PTPRU: variants seen among roughly 807,000 people sequenced by gnomAD.
The protein encoded by PTPRU is protein tyrosine phosphatase receptor type U.
Under a neutral mutation model 166.3 loss-of-function variants are expected in PTPRU, and 69 were observed. That is an observed-to-expected ratio of 0.41 (90% CI 0.34 to 0.51). PTPRU has a LOEUF of 0.51. Ranked by LOEUF, PTPRU falls within the 20% of genes least tolerant of loss-of-function variation. The pLI is 0.09. For synonymous variants in PTPRU, 793 were observed against 814.0 expected, an observed-to-expected ratio of 0.97 and a Z score of 0.44; for missense variants, 1,657 against 2,013.7, an observed-to-expected ratio of 0.82 and a Z score of 3.39.
At position 29,325,859 on chromosome 1, in the gene PTPRU, A is replaced by G. The variant is rs1688391207; in HGVS notation, c.*198A>G. The G allele has an allele frequency of 3.3e-6, 2 of 608,202 alleles. No homozygotes were observed. The highest frequency in any genetic ancestry group is 5.5e-6 in the Non-Finnish European group (2 of 364,404). 37.7% of individuals were successfully genotyped at this position (608,202 alleles called of 1,614,324 possible). ...TTGTCCCATGGGCGGGTGGTGGGCCAAGGAGGAGCTTAGCAAGTCTGCAGC... is the reference window on the plus strand; with the variant it reads ...TTGTCCCATGGGCGGGTGGTGGGCCGAGGAGGAGCTTAGCAAGTCTGCAGC... On this transcript the variant is annotated 3_prime_UTR_variant, in exon 30 of 30. Transcript: ENST00000373779.
At chr1:29,241,592 C>A (rs1024321226) in intron 1 of PTPRU, among the ~76,000 whole-genome samples, 1 of 147,794 alleles carries the variant, frequency 6.8e-6, no homozygotes, top group Non-Finnish European at 1.5e-5. Context: ...TCTTCTTCTT[C>A]TTCTTCTTCT....
chr1:29,272,626 G>T (rs1455568938), intron 7 of PTPRU, among the ~76,000 whole-genome samples: 2 of 152,124 alleles, frequency 1.3e-5, no homozygotes, highest in African/African-American at 4.8e-5. Context: ...GCCACTAGGG[G>T]CTGGGTGCGG....
chr1:29,282,648 TC>T, intron 11 of PTPRU, 27 bp from the exon 12 acceptor site: 1 of 1,596,576 alleles, frequency 6.3e-7, no homozygotes, highest in Middle Eastern at 2.2e-4. Flanking sequence ...CCGCCTGTGA[TC>T]CCCTGTACGC....
At position 29,275,780 on chromosome 1, in the gene PTPRU, C is replaced by T. The variant is rs376869178; in HGVS notation, c.1453+24C>T. ...TGGTAAGAGTCTCAGTCCCAATTCC[C>T]GGGGCCCTGTGTACCTCCCACAGAT... On this transcript the variant is annotated intron_variant, in intron 8 of 29. Transcript: ENST00000373779. The T allele has an allele frequency of 1.0e-4, 160 of 1,607,060 alleles. No homozygotes were observed. In the Middle Eastern group the frequency reaches 1.8e-3, roughly 18 times the overall value.
At chr1:29,293,478 G>T (rs12038719) in intron 15 of PTPRU, among the ~76,000 whole-genome samples, 5,768 of 135,708 alleles carry the variant, frequency 0.043, 405 homozygotes, top group East Asian at 0.31. Flanking sequence ...GTAGTTTTTT[G>T]TTTTTTTTTT....
chr1:29,291,804 A>G lies in PTPRU; in HGVS notation c.2319-65A>G. On this transcript the variant is annotated intron_variant, in intron 14 of 29. Transcript: ENST00000373779. The surrounding 1 kb of genome is among the most constrained non-coding windows in gnomAD (Gnocchi z 4.1). ...GGTCCCCTTACTCCAGGGCCTCCCCAGCCACCTCTGGGTGCTGTCCAGCCC... is the reference window on the plus strand; with the variant it reads ...GGTCCCCTTACTCCAGGGCCTCCCCGGCCACCTCTGGGTGCTGTCCAGCCC... 6.4e-7 allele frequency: 1 copy of G among 1,564,210 alleles called. No homozygotes were observed. Among genetic ancestry groups the G allele is most frequent in the Admixed American group, 1.8e-5 (1 of 54,868 alleles).
At chr1:29,308,309 G>A (rs990510205) in intron 18 of PTPRU, among the ~76,000 whole-genome samples, 7 of 148,926 alleles carry the variant, frequency 4.7e-5, no homozygotes, top group African/African-American at 1.7e-4. Flanking sequence ...TTAAGAGATG[G>A]GGTCTTCTCA....
At chr1:29,294,266 A>T (rs1686782605) in intron 15 of PTPRU, among the ~76,000 whole-genome samples, 1 of 152,154 alleles carries the variant, frequency 6.6e-6, no homozygotes. Flanking sequence ...CTGCCACATT[A>T]GTTTGTATAA....
At chr1:29,248,113 G>A (rs1684379699) in intron 1 of PTPRU, among the ~76,000 whole-genome samples, 1 of 152,180 alleles carries the variant, frequency 6.6e-6, no homozygotes, top group Non-Finnish European at 1.5e-5. Context: ...CTGGAGTCAT[G>A]GTCCTAGAGC....
intron 22 of PTPRU, among the ~76,000 whole-genome samples, chr1:29,314,485 G>A (rs765501216): frequency 2.4e-4 from 37 of 152,172 alleles, no homozygotes; most frequent in Non-Finnish European, 4.0e-4. Context: ...ACAACCTTGC[G>A]TGAGGACAAT....
Position 29,279,117 on chromosome 1 carries a change from A to T in PTPRU, c.1559A>T (p.Tyr520Phe), listed in dbSNP as rs1227202193. 7.6e-6 allele frequency: 12 copies of T among 1,568,926 alleles called. No individual in the cohort carries two copies. Among genetic ancestry groups the T allele is most frequent in the Non-Finnish European group, 1.0e-5 (12 of 1,156,138 alleles). Residue 520 changes from tyrosine to phenylalanine, a missense_variant, in exon 9 of 30, where the codon TAT (tyrosine) becomes TTT (phenylalanine). Coordinates refer to ENST00000373779, the MANE Select transcript of PTPRU (RefSeq NM_133178.4). The surrounding 1 kb of genome is among the most constrained non-coding windows in gnomAD (Gnocchi z 5.2). ...PQEPNGLITQ[Y>F]EISYQSIESS... Reference sequence around the variant, plus strand: ...GAGCCCAATGGTCTCATCACCCAGTATGAGGTGGGTTTGGGACCCTATTAC... The same window carrying T: ...GAGCCCAATGGTCTCATCACCCAGTTTGAGGTGGGTTTGGGACCCTATTAC...
At chr1:29,286,232 G>A (rs1303929813) in intron 14 of PTPRU, among the ~76,000 whole-genome samples, 1 of 152,170 alleles carries the variant, frequency 6.6e-6, no homozygotes, top group East Asian at 1.9e-4. Flanking sequence ...CGTTGTTCCT[G>A]CACAGCTTTA....
In PTPRU at chr1:29,303,352, C is replaced by T. The variant is rs368514298; in HGVS notation, c.2477-503C>T. ...CCCGCACAGGCTGACGGTGGAACTG[C>T]CTGCGCAGGAGAAAGGCGCCTATTC... On this transcript the variant is annotated intron_variant, in intron 15 of 29. Coordinates refer to ENST00000373779, the MANE Select transcript of PTPRU (RefSeq NM_133178.4). Among the ~76,000 whole-genome samples the T allele has an allele frequency of 3.3e-3, 504 of 152,356 alleles. 4 individuals are homozygous for T. Among genetic ancestry groups the T allele is most frequent in the African/African-American group, 0.011 (475 of 41,590 alleles).
rs887756987 is a variant in PTPRU at position 29,311,300 on chromosome 1, C to T, written c.2858-156C>T. 6.6e-5 allele frequency: 45 copies of T among 677,048 alleles called. No individual in the cohort carries two copies. The highest frequency in any genetic ancestry group is 1.1e-4 in the Non-Finnish European group (43 of 397,602). 41.9% of individuals were successfully genotyped at this position (677,048 alleles called of 1,614,324 possible). A position where few individuals can be genotyped will look rare whatever the true frequency, so the allele number is the denominator to read the frequency against. On this transcript the variant is annotated intron_variant, in intron 19 of 29. Transcript: ENST00000373779. This position sits in a 1 kb window ranked among gnomAD's most constrained non-coding sequence, Gnocchi z 4.1. ...CCAACCTCAGGGCCCTACAGGCATG[C>T]GTCAGCTGCAAGCTGGGTGTTGTGG...
At chr1:29,241,077 C>T (rs1464756660) in intron 1 of PTPRU, among the ~76,000 whole-genome samples, 3 of 152,190 alleles carry the variant, frequency 2.0e-5, no homozygotes, top group Middle Eastern at 3.4e-3. Flanking sequence ...CACATGTGAC[C>T]TGTTAGGGTG....
intron 1 of PTPRU, among the ~76,000 whole-genome samples, chr1:29,241,581 TTC>T (rs896142851): frequency 1.1e-4 from 13 of 120,104 alleles, no homozygotes; most frequent in African/African-American, 3.5e-4. Flanking sequence ...TTTTTTTTTT[TTC>T]TTCTTCTTCT....
At chr1:29,286,269 A>C (rs1261398790) in intron 14 of PTPRU, among the ~76,000 whole-genome samples, 2 of 152,160 alleles carry the variant, frequency 1.3e-5, no homozygotes, top group Non-Finnish European at 2.9e-5. Flanking sequence ...AGTATCATTT[A>C]ATGAGGGATT....
Position 29,260,204 on chromosome 1 carries a change from C to T in PTPRU, c.850+160C>T. The stretch of plus-strand genomic sequence containing the variant: ...ATGGGCCTGTGGAAATGGCAGTGGC[C>T]CAGCCGGGATGAGATCTGATCTAGG... On this transcript the variant is annotated intron_variant, in intron 6 of 29. Transcript: ENST00000373779. The surrounding 1 kb of genome is among the most constrained non-coding windows in gnomAD (Gnocchi z 8.3). 5 of 864,030 alleles carry T rather than the reference C, an allele frequency of 5.8e-6. No individual in the cohort carries two copies. The highest frequency in any genetic ancestry group is 8.0e-6 in the Non-Finnish European group (5 of 622,098). 53.5% of individuals were successfully genotyped at this position (864,030 alleles called of 1,614,324 possible). A position where few individuals can be genotyped will look rare whatever the true frequency, so the allele number is the denominator to read the frequency against.
chr1:29,312,518 G>T, intron 21 of PTPRU, 34 bp from the exon 22 acceptor site: 1 of 1,551,658 alleles, frequency 6.4e-7, no homozygotes, highest in Non-Finnish European at 8.8e-7. Context: ...GATGCTGCCA[G>T]GGACTCTGAT....
Sources: gnomAD v4.1 joint callset for allele counts (sites outside exome capture counted in the v4.1 genomes callset) on GRCh38, gnomAD v4.1.1 for gene constraint, Gnocchi (gnomAD v3.1) non-coding constraint, MANE v1.5 for transcripts, NCBI Gene and HGNC (gene_info 2026-07-23, HGNC 2026-07-21) for gene names.